VWA2: variants seen among roughly 807,000 people sequenced by gnomAD.
The protein encoded by VWA2 is von Willebrand factor A domain-containing protein 2.
A neutral mutation model predicts 70.4 loss-of-function variants in VWA2; 73 were observed. The observed-to-expected ratio is 1.04, with a 90% CI of 0.86 to 1.26. VWA2 has a LOEUF of 1.26. VWA2 is among the 50% of genes most tolerant of loss of function. The probability of loss-of-function intolerance (pLI) is 0.00; values close to 1 mark genes in which losing one functional copy is unlikely to be tolerated. For missense variants in VWA2, 1,011 were observed against 998.5 expected, an observed-to-expected ratio of 1.01 and a Z score of -0.17; for synonymous variants, 407 against 423.3, an observed-to-expected ratio of 0.96 and a Z score of 0.47.
chr10:114,270,808 A>C (rs751755153), intron 5 of VWA2, among the ~76,000 whole-genome samples: 3 of 152,090 alleles, frequency 2.0e-5, no homozygotes, highest in Non-Finnish European at 4.4e-5. Context: ...TCCTCTTCGG[A>C]GATTCATCCA....
At chr10:114,242,617 T>A (rs2036993901) in intron 1 of VWA2, among the ~76,000 whole-genome samples, 1 of 152,168 alleles carries the variant, frequency 6.6e-6, no homozygotes, top group African/African-American at 2.4e-5. Flanking sequence ...CGTGCCTCTG[T>A]GTACCAGTGC....
At chr10:114,287,153 C>A (rs2039001995) in intron 11 of VWA2, among the ~76,000 whole-genome samples, 1 of 152,158 alleles carries the variant, frequency 6.6e-6, no homozygotes. Flanking sequence ...GAGGCCTGGC[C>A]CATGGCCAGA....
chr10:114,291,477 A>T lies in VWA2; in HGVS notation c.*240A>T. The T allele has an allele frequency of 1.9e-6, 1 of 526,146 alleles. No homozygotes were observed. The highest frequency in any genetic ancestry group is 3.3e-6 in the Non-Finnish European group (1 of 302,322). 32.6% of individuals were successfully genotyped at this position (526,146 alleles called of 1,614,324 possible). On this transcript the variant is annotated 3_prime_UTR_variant, in exon 14 of 14. Coordinates refer to ENST00000392982, the MANE Select transcript of VWA2 (RefSeq NM_001272046.2). ...TGTCACCCACAAACGATGTTGTTGA[A>T]AAGTTTTGATGTGTAAGTAAATACC...
intron 5 of VWA2, among the ~76,000 whole-genome samples, chr10:114,269,954 G>T (rs186730814): frequency 6.6e-6 from 1 of 152,354 alleles, no homozygotes; most frequent in Non-Finnish European, 1.5e-5. Context: ...GAGCATTTAA[G>T]CAGGACAGTT....
At chr10:114,278,564 A>T (rs1022599102) in intron 7 of VWA2, among the ~76,000 whole-genome samples, 155 bp from the exon 8 acceptor site, 5 of 152,196 alleles carry the variant, frequency 3.3e-5, no homozygotes, top group African/African-American at 1.2e-4. Flanking sequence ...CCCTTCACCC[A>T]GAGATATGCC....
intron 9 of VWA2, among the ~76,000 whole-genome samples, chr10:114,283,897 A>G (rs1206605003): frequency 1.3e-5 from 2 of 152,230 alleles, no homozygotes. Flanking sequence ...TTTAATTACA[A>G]TGATGTGGCC....
At chr10:114,271,022 C>G (rs185638921) in intron 5 of VWA2, among the ~76,000 whole-genome samples, 7 of 152,128 alleles carry the variant, frequency 4.6e-5, no homozygotes, top group Admixed American at 4.6e-4. Context: ...TGCTCCCTGA[C>G]AGCTCCACCC....
chr10:114,246,014 A>C, intron 1 of VWA2: 2 of 593,790 alleles, frequency 3.4e-6, no homozygotes, highest in Non-Finnish European at 3.3e-6. Context: ...TGGTCAGTAC[A>C]TGCTCCATCC....
chr10:114,290,154 A>G (rs2039424747), intron 12 of VWA2, 86 bp from the exon 13 acceptor site: 1 of 1,506,210 alleles, frequency 6.6e-7, no homozygotes, highest in Admixed American at 2.0e-5. Flanking sequence ...GTAGCCTTGC[A>G]CCTCTACTGG....
intron 5 of VWA2, among the ~76,000 whole-genome samples, chr10:114,266,460 T>G (rs1173560630): frequency 6.6e-6 from 1 of 152,088 alleles, no homozygotes; most frequent in Non-Finnish European, 1.5e-5. Context: ...CTTGACTGAT[T>G]AGGACAGCTC....
Position 114,258,296 on chromosome 10 carries a change from G to A in VWA2, c.262-2890G>A, listed in dbSNP as rs1263552616. Reference sequence around the variant, plus strand: ...TTAACTTTAGTTTTCAAGAAGAAATGTCAAGTAGCTGTAAATTAAGACTTT... The same window carrying A: ...TTAACTTTAGTTTTCAAGAAGAAATATCAAGTAGCTGTAAATTAAGACTTT... On this transcript the variant is annotated intron_variant, in intron 4 of 13. Coordinates refer to ENST00000392982, the MANE Select transcript of VWA2 (RefSeq NM_001272046.2). Among the ~76,000 whole-genome samples, 4 of 152,270 alleles carry A rather than the reference G, an allele frequency of 2.6e-5. No homozygotes were observed. In the South Asian group the frequency reaches 6.2e-4, roughly 24 times the overall value.
At chr10:114,278,691 T>C in intron 7 of VWA2, 28 bp from the exon 8 acceptor site, 1 of 1,611,118 alleles carries the variant, frequency 6.2e-7, no homozygotes. Context: ...GTCTCCTCCG[T>C]GGGTGTGGGT....
At chr10:114,276,224 C>T (rs1348759746) in intron 6 of VWA2, among the ~76,000 whole-genome samples, 13 of 152,198 alleles carry the variant, frequency 8.5e-5, no homozygotes, top group Admixed American at 8.5e-4. Flanking sequence ...CCTGACCCAC[C>T]CCTCCCCACT....
intron 9 of VWA2, 90 bp downstream of exon 9, chr10:114,282,661 G>A: frequency 8.3e-7 from 1 of 1,200,336 alleles, no homozygotes; most frequent in Non-Finnish European, 1.2e-6. Context: ...TGGGACAGAG[G>A]GTGGGGTTGT....
chr10:114,251,133 A>T (rs2037187182), intron 2 of VWA2, among the ~76,000 whole-genome samples: 1 of 152,276 alleles, frequency 6.6e-6, no homozygotes, highest in Non-Finnish European at 1.5e-5. Flanking sequence ...TGACTAGATT[A>T]GTGATTCTCA....
At chr10:114,268,217 A>G (rs2037616588) in intron 5 of VWA2, among the ~76,000 whole-genome samples, 1 of 151,490 alleles carries the variant, frequency 6.6e-6, no homozygotes, top group African/African-American at 2.4e-5. Flanking sequence ...ACTGATAGCA[A>G]AATGTTTTGA....
At chr10:114,287,229 G>A (rs747314069) in intron 11 of VWA2, among the ~76,000 whole-genome samples, 3 of 152,128 alleles carry the variant, frequency 2.0e-5, no homozygotes, top group Admixed American at 6.5e-5. Flanking sequence ...TACCCAGGCT[G>A]GAATGCAGTG....
chr10:114,289,882 CCTT>C (rs1307478032), intron 12 of VWA2: 12 of 332,898 alleles, frequency 3.6e-5, no homozygotes, highest in Non-Finnish European at 6.8e-5. Flanking sequence ...CTCCTCTTCA[CCTT>C]CTTAAAAGAG....
At chr10:114,271,102 A>G (rs1210584126) in intron 5 of VWA2, among the ~76,000 whole-genome samples, 2 of 152,194 alleles carry the variant, frequency 1.3e-5, no homozygotes, top group African/African-American at 4.8e-5. Context: ...GCTGTCTTGT[A>G]GATCCCATTT....
Sources: allele counts gnomAD v4.1 joint callset (sites outside exome capture counted in the v4.1 genomes callset), GRCh38; gene constraint gnomAD v4.1.1; transcripts MANE v1.5; gene names NCBI Gene and HGNC (gene_info 2026-07-23, HGNC 2026-07-21).